C16orf89: variants seen among roughly 807,000 people sequenced by gnomAD.
C16orf89 encodes chromosome 16 open reading frame 89.
In C16orf89, 57 loss-of-function variants were observed where a neutral mutation model predicts 41.5. That is an observed-to-expected ratio of 1.38 (90% confidence interval 1.11 to 1.71). C16orf89 has a LOEUF of 1.71. C16orf89 is among the 40% of genes most tolerant of loss of function. The probability of loss-of-function intolerance (pLI) is 0.00; values close to 1 mark genes in which losing one functional copy is unlikely to be tolerated. For missense variants in C16orf89, 575 were observed against 445.9 expected, an observed-to-expected ratio of 1.29 and a Z score of -2.61; for synonymous variants, 223 against 190.6, an observed-to-expected ratio of 1.17 and a Z score of -1.40.
At chr16:5,062,672 C>G (rs879519495) in intron 1 of C16orf89, 98 bp from the exon 2 acceptor site, 13 of 1,315,084 alleles carry the variant, frequency 9.9e-6, no homozygotes, top group Non-Finnish European at 1.3e-5. Flanking sequence ...CTAATGCTTC[C>G]TGGGAGCCTC....
intron 1 of C16orf89, among the ~76,000 whole-genome samples, chr16:5,064,586 C>T (rs1956696976): frequency 6.6e-6 from 1 of 152,242 alleles, no homozygotes; most frequent in African/African-American, 2.4e-5. Flanking sequence ...TGAACCTGGG[C>T]AGTCCAGTTC....
Position 5,060,276 on chromosome 16 carries a change from CA to C in C16orf89, c.509+9del. On this transcript the variant is annotated intron_variant, in intron 3 of 7. Coordinates refer to ENST00000472572, the MANE Select transcript of C16orf89 (RefSeq NM_001098514.3). Reference sequence around the variant, plus strand: ...GGGTTTCCAGCAAATAGGGCAAGTGCAGGGCCCACCCGGTTCCCAGCAGCTG... The same window carrying C: ...GGGTTTCCAGCAAATAGGGCAAGTGCGGGCCCACCCGGTTCCCAGCAGCTG... 6.2e-7 allele frequency: 1 copy of C among 1,600,824 alleles called. No individual in the cohort carries two copies. Among genetic ancestry groups the C allele is most frequent in the Non-Finnish European group, 8.5e-7 (1 of 1,172,614 alleles).
At chr16:5,059,693 G>A (rs6500651) in intron 3 of C16orf89, among the ~76,000 whole-genome samples, 152,043 of 152,222 alleles carry the variant, frequency 1, 75,932 homozygotes, top group Middle Eastern at 1. Flanking sequence ...GAGGAGCCCA[G>A]CTAGGCTCAG....
chr16:5,055,410 C>T (rs934986316), intron 5 of C16orf89, 60 bp from the exon 6 acceptor site: 2 of 1,430,916 alleles, frequency 1.4e-6, no homozygotes, highest in Admixed American at 1.9e-5. Flanking sequence ...TCCTCCCACT[C>T]CCCAGGGCTG....
rs370185121 is a variant in C16orf89, at chr16:5,060,354, C to G, written c.441G>C (p.Thr147=). 1.7e-5 allele frequency: 27 copies of G among 1,613,476 alleles called. No homozygotes were observed. The highest frequency in any genetic ancestry group is 2.3e-5 in the Non-Finnish European group (27 of 1,179,864). Residue 147 remains threonine (T), a synonymous_variant, in exon 3 of 8, where the codon ACG becomes ACC. Coordinates refer to ENST00000472572, the MANE Select transcript of C16orf89 (RefSeq NM_001098514.3). Reference sequence around the variant, plus strand: ...CTGAGAATGAGTCCTGGGGCCCGAACGTGGGGTACACCAAGGAGGCATCAG... The same window carrying G: ...CTGAGAATGAGTCCTGGGGCCCGAAGGTGGGGTACACCAAGGAGGCATCAG... ...IHTDASLVYP[T]FGPQDSFSEE... is the part of the protein sequence containing the mutation.
rs1284804461 is a variant in C16orf89 at position 5,044,843 on chromosome 16, C to G, written c.956-365G>C. ...TGAGCAACAGAGCGAGAATCTGTCT[C>G]AAAAAAAAAAAAAGTGCTTTTCAGA... On this transcript the variant is annotated intron_variant, in intron 7 of 7. Coordinates refer to ENST00000472572, the MANE Select transcript of C16orf89 (RefSeq NM_001098514.3). 3.9e-6 allele frequency: 4 copies of G among 1,026,214 alleles called. No individual in the cohort carries two copies. The East Asian group carries it at 2.2e-4, about 56-fold the overall frequency. The allele number at this position is 1,026,214 out of a possible 1,614,324, so 63.6% of individuals were successfully genotyped here.
At chr16:5,044,828 A>T (rs1440129519) in intron 7 of C16orf89, 1 of 1,240,266 alleles carries the variant, frequency 8.1e-7, no homozygotes, top group Admixed American at 3.1e-5. Context: ...TGAGCAACAG[A>T]GCGAGAATCT....
rs994013095 is a variant in C16orf89 at position 5,064,272 on chromosome 16, T to C, written c.208+1429A>G. On this transcript the variant is annotated intron_variant, in intron 1 of 7. Coordinates refer to ENST00000472572, the MANE Select transcript of C16orf89 (RefSeq NM_001098514.3). ...AAACCAGTCCCTGGTGTCAAAAAGG[T>C]TGGGGACCACTGCAATGGGACGTAG... 1.8e-4 allele frequency among the ~76,000 whole-genome samples: 28 copies of C among 152,276 alleles called. No homozygotes were observed. The East Asian group carries it at 5.4e-3, about 29-fold the overall frequency.
rs780440168 is a variant in C16orf89 at position 5,055,389 on chromosome 16, C to A, written c.764-39G>T. Reference sequence around the variant, plus strand: ...CGGGGGCCCTCTGCAGGCCTGCCCCCCAGGCCCACCTCCTCCCACTCCCCA... The same window carrying A: ...CGGGGGCCCTCTGCAGGCCTGCCCCACAGGCCCACCTCCTCCCACTCCCCA... On this transcript the variant is annotated intron_variant, in intron 5 of 7. Coordinates refer to ENST00000472572, the MANE Select transcript of C16orf89 (RefSeq NM_001098514.3). The A allele has an allele frequency of 2.7e-6, 4 of 1,502,230 alleles. No individual in the cohort carries two copies. The Admixed American group carries it at 5.5e-5, about 21-fold the overall frequency. 93.1% of individuals were successfully genotyped at this position (1,502,230 alleles called of 1,614,324 possible). A position where few individuals can be genotyped will look rare whatever the true frequency, so the allele number is the denominator to read the frequency against.
At chr16:5,059,132 C>T (rs1189927801) in intron 3 of C16orf89, among the ~76,000 whole-genome samples, 8 of 151,848 alleles carry the variant, frequency 5.3e-5, no homozygotes, top group East Asian at 3.9e-4. Flanking sequence ...CCCAGCTACT[C>T]GGGAGGCTGA....
At chr16:5,049,528 C>G (rs1956359879) in intron 6 of C16orf89, among the ~76,000 whole-genome samples, 1 of 152,100 alleles carries the variant, frequency 6.6e-6, no homozygotes, top group Non-Finnish European at 1.5e-5. Context: ...TGGAATAAAA[C>G]TAGAAATCAA....
chr16:5,056,012 C>A lies in C16orf89; in HGVS notation c.763+41G>T. 3 of 1,521,186 alleles carry A rather than the reference C, an allele frequency of 2.0e-6. No individual in the cohort carries two copies. The East Asian group carries it at 7.1e-5, about 36-fold the overall frequency. The allele number at this position is 1,521,186 out of a possible 1,614,324, so 94.2% of individuals were successfully genotyped here. A position where few individuals can be genotyped will look rare whatever the true frequency, so the allele number is the denominator to read the frequency against. ...GTGTGTGTGTGTGTTGGTGGGGGGACACCCTGTTCCTTTGCCCCGGGGGCA... is the reference window on the plus strand; with the variant it reads ...GTGTGTGTGTGTGTTGGTGGGGGGAAACCCTGTTCCTTTGCCCCGGGGGCA... On this transcript the variant is annotated intron_variant, in intron 5 of 7. Coordinates refer to ENST00000472572, the MANE Select transcript of C16orf89 (RefSeq NM_001098514.3).
chr16:5,057,772 A>T (rs1305251879), intron 4 of C16orf89, among the ~76,000 whole-genome samples: 1 of 151,806 alleles, frequency 6.6e-6, no homozygotes, highest in African/African-American at 2.4e-5. Context: ...CAAGTGATCC[A>T]CCCACCTCAG....
intron 2 of C16orf89, among the ~76,000 whole-genome samples, chr16:5,061,020 G>A (rs1287154179): frequency 6.9e-6 from 1 of 144,082 alleles, no homozygotes; most frequent in African/African-American, 2.6e-5. Flanking sequence ...CAGCACTTTC[G>A]GAAGCCAAGG....
rs556630943 is a variant in C16orf89, at chr16:5,058,663, C to T, written c.510-53G>A. 2.2e-4 allele frequency: 320 copies of T among 1,422,976 alleles called. No individual in the cohort carries two copies. The African/African-American group carries it at 3.5e-3, about 16-fold the overall frequency. 88.1% of individuals were successfully genotyped at this position (1,422,976 alleles called of 1,614,324 possible). On this transcript the variant is annotated intron_variant, in intron 3 of 7. Coordinates refer to ENST00000472572, the MANE Select transcript of C16orf89 (RefSeq NM_001098514.3). ...AGGATGGAGCGCTGACTCTGCCCTG[C>T]GTCTTCCCAGCCCCCTAGTTGTAGT...
At chr16:5,050,062 C>T (rs1333523911) in intron 6 of C16orf89, among the ~76,000 whole-genome samples, 1 of 152,072 alleles carries the variant, frequency 6.6e-6, no homozygotes, top group Non-Finnish European at 1.5e-5. Flanking sequence ...TTATAAACAA[C>T]AAATTAGAAA....
At chr16:5,062,354 G>A in intron 2 of C16orf89, 71 bp downstream of exon 2, 3 of 1,491,570 alleles carry the variant, frequency 2.0e-6, no homozygotes, top group East Asian at 2.3e-5. Flanking sequence ...GAGAGCCCAC[G>A]CTGGGTTATT....
Position 5,064,645 on chromosome 16 carries a change from C to T in C16orf89, c.208+1056G>A, listed in dbSNP as rs111276354. On this transcript the variant is annotated intron_variant, in intron 1 of 7. Coordinates refer to ENST00000472572, the MANE Select transcript of C16orf89 (RefSeq NM_001098514.3). Reference sequence around the variant, plus strand: ...CACTGCCTTTGCTCCCTTCTGGGCACAGTTCACGGGTGTGGTTGTATTAAG... The same window carrying T: ...CACTGCCTTTGCTCCCTTCTGGGCATAGTTCACGGGTGTGGTTGTATTAAG... Among the ~76,000 whole-genome samples the T allele has an allele frequency of 5.3e-4, 81 of 152,330 alleles. 1 individual carries two copies. The highest frequency in any genetic ancestry group is 1.5e-3 in the African/African-American group (62 of 41,568).
At chr16:5,055,392 G>C (rs1386333161) in intron 5 of C16orf89, 42 bp from the exon 6 acceptor site, 1 of 1,502,102 alleles carries the variant, frequency 6.7e-7, no homozygotes, top group Non-Finnish European at 9.1e-7. Flanking sequence ...CTGCCCCCCA[G>C]GCCCACCTCC....
Sources: allele counts gnomAD v4.1 joint callset (sites outside exome capture counted in the v4.1 genomes callset), GRCh38; gene constraint gnomAD v4.1.1; transcripts MANE v1.5; gene names NCBI Gene and HGNC (gene_info 2026-07-23, HGNC 2026-07-21).